Variants in LIN7A observed in about 807,000 individuals in gnomAD.
LIN7A encodes protein lin-7 homolog A.
In LIN7A, 25 loss-of-function variants were observed where a neutral mutation model predicts 29.8. The observed-to-expected ratio is 0.84, with a 90% confidence interval of 0.61 to 1.17. LIN7A has a LOEUF of 1.17. LIN7A is among the 50% of genes most tolerant of loss of function. LIN7A has a pLI of 0.00. For synonymous variants in LIN7A, 118 were observed against 107.5 expected, an observed-to-expected ratio of 1.10 and a Z score of -0.60; for missense variants, 239 against 287.0, an observed-to-expected ratio of 0.83 and a Z score of 1.21.
At chr12:80,872,420 A>G (rs911200219) in intron 2 of LIN7A, among the ~76,000 whole-genome samples, 4 of 152,166 alleles carry the variant, frequency 2.6e-5, no homozygotes, top group African/African-American at 9.6e-5. Context: ...TTCATGAACT[A>G]TCAACAATGT....
intron 1 of LIN7A, among the ~76,000 whole-genome samples, chr12:80,902,671 T>C (rs569535176): frequency 7.9e-5 from 12 of 152,200 alleles, no homozygotes; most frequent in Admixed American, 2.6e-4. Context: ...CTGGACATTG[T>C]TGGTGTATAG....
chr12:80,847,070 T>G (rs1161639336), intron 3 of LIN7A, among the ~76,000 whole-genome samples: 1 of 152,228 alleles, frequency 6.6e-6, no homozygotes, highest in Non-Finnish European at 1.5e-5. Context: ...AACAATGGCT[T>G]GTTTTTAGCT....
intron 1 of LIN7A, among the ~76,000 whole-genome samples, chr12:80,916,357 TTC>T (rs371170465): frequency 9.1e-4 from 139 of 152,008 alleles, no homozygotes; most frequent in African/African-American, 3.2e-3. Context: ...CTCTTTCTCT[TTC>T]TCTCTCTCTC....
intron 2 of LIN7A, among the ~76,000 whole-genome samples, chr12:80,888,434 C>T (rs942389476): frequency 2.6e-5 from 4 of 152,112 alleles, no homozygotes; most frequent in African/African-American, 9.7e-5. Context: ...ATTGGAGGTG[C>T]CTGCTCTACG....
At position 80,811,458 on chromosome 12, in the gene LIN7A, T is replaced by G; in HGVS notation, c.*7A>C. The G allele has an allele frequency of 8.8e-7, 1 of 1,140,744 alleles. No homozygotes were observed. The highest frequency in any genetic ancestry group is 1.3e-6 in the Non-Finnish European group (1 of 769,678). 70.7% of individuals were successfully genotyped at this position (1,140,744 alleles called of 1,614,324 possible). ...ATACTCCTTGTATAGAATAAGTCAC[T>G]TCTCACCTATGACATGTGGTTTTGT... On this transcript the variant is annotated splice_region_variant and intron_variant, in intron 5 of 5. Coordinates refer to ENST00000552864, the MANE Select transcript of LIN7A (RefSeq NM_004664.4).
At chr12:80,913,243 G>T (rs551550747) in intron 1 of LIN7A, among the ~76,000 whole-genome samples, 1 of 152,296 alleles carries the variant, frequency 6.6e-6, no homozygotes, top group Admixed American at 6.5e-5. Context: ...ATCTAATTAT[G>T]CAAAGGATAT....
intron 2 of LIN7A, among the ~76,000 whole-genome samples, chr12:80,882,164 T>A (rs1172339706): frequency 6.6e-6 from 1 of 151,992 alleles, no homozygotes; most frequent in African/African-American, 2.4e-5. Flanking sequence ...TTATTGAATA[T>A]ATAGGAGTGA....
rs1555225727 is a variant in LIN7A at position 80,869,149 on chromosome 12, A to AATAT, written c.201+20098_201+20101dup. ...AAAGTATCTAATAAATAAATAAATA[A>AATAT]ATATATATATATATATATTTATGTG... is the stretch of plus-strand genomic sequence containing the variant. On this transcript the variant is annotated intron_variant, in intron 2 of 5. Transcript: ENST00000552864. Among the ~76,000 whole-genome samples the AATAT allele has an allele frequency of 1.5e-3, 223 of 145,452 alleles. 2 individuals are homozygous for AATAT. Among genetic ancestry groups the AATAT allele is most frequent in the African/African-American group, 4.2e-3 (165 of 39,586 alleles).
intron 5 of LIN7A, among the ~76,000 whole-genome samples, chr12:80,808,311 C>T (rs1022738400): frequency 3.3e-5 from 5 of 152,074 alleles, no homozygotes; most frequent in Non-Finnish European, 7.3e-5. Flanking sequence ...TTTTACTCTG[C>T]AAAGTACTGG....
intron 1 of LIN7A, among the ~76,000 whole-genome samples, chr12:80,935,374 C>T (rs1878151880): frequency 6.6e-6 from 1 of 152,146 alleles, no homozygotes; most frequent in East Asian, 1.9e-4. Flanking sequence ...TGAGTCCTAA[C>T]TCTAATTAAT....
intron 2 of LIN7A, among the ~76,000 whole-genome samples, chr12:80,879,238 C>G (rs189778300): frequency 1.2e-3 from 184 of 151,606 alleles, no homozygotes; most frequent in African/African-American, 4.1e-3. Context: ...ATATTATAGA[C>G]CTTATTAATT....
chr12:80,867,924 C>T (rs1252372526), intron 2 of LIN7A, among the ~76,000 whole-genome samples: 2 of 152,120 alleles, frequency 1.3e-5, no homozygotes, highest in Admixed American at 6.5e-5. Context: ...TTTATTATAT[C>T]CTGTCAATTT....
At position 80,898,400 on chromosome 12, in the gene LIN7A, C is replaced by A. The variant is rs1234885612; in HGVS notation, c.83-9031G>T. On this transcript the variant is annotated intron_variant, in intron 1 of 5. Coordinates refer to ENST00000552864, the MANE Select transcript of LIN7A (RefSeq NM_004664.4). ...TTATAGTATAGTTTGAAGTTAGGAA[C>A]TGTGATGCCTCCAGCTCTGTGGCTT... Among the ~76,000 whole-genome samples, 3 of 152,162 alleles carry A rather than the reference C, an allele frequency of 2.0e-5. No individual in the cohort carries two copies. In the East Asian group the frequency reaches 5.8e-4, roughly 29 times the overall value.
chr12:80,875,175 CT>C (rs1314057552), intron 2 of LIN7A, among the ~76,000 whole-genome samples: 1 of 152,182 alleles, frequency 6.6e-6, no homozygotes, highest in African/African-American at 2.4e-5. Context: ...CTTAAACTTT[CT>C]GTATCTTATT....
intron 5 of LIN7A, among the ~76,000 whole-genome samples, chr12:80,808,004 T>C (rs1021234934): frequency 6.6e-6 from 1 of 152,200 alleles, no homozygotes; most frequent in African/African-American, 2.4e-5. Context: ...CAATAAAATC[T>C]AACTTCCCTC....
chr12:80,856,833 C>G (rs532744567), intron 2 of LIN7A, among the ~76,000 whole-genome samples: 1 of 151,038 alleles, frequency 6.6e-6, no homozygotes, highest in South Asian at 2.1e-4. Flanking sequence ...ATACTTATAA[C>G]TAAAAACAAA....
At chr12:80,859,541 G>A (rs1418974421) in intron 2 of LIN7A, among the ~76,000 whole-genome samples, 2 of 152,124 alleles carry the variant, frequency 1.3e-5, no homozygotes, top group Admixed American at 1.3e-4. Context: ...ATGAGAAAAT[G>A]AGAGAATTTT....
intron 1 of LIN7A, among the ~76,000 whole-genome samples, chr12:80,927,008 T>C (rs1877624283): frequency 6.6e-6 from 1 of 151,458 alleles, no homozygotes; most frequent in African/African-American, 2.4e-5. Context: ...AGTCCTCTAC[T>C]TAGAGATTAC....
At chr12:80,904,047 G>T (rs938493483) in intron 1 of LIN7A, among the ~76,000 whole-genome samples, 2 of 151,346 alleles carry the variant, frequency 1.3e-5, no homozygotes, top group African/African-American at 4.9e-5. Flanking sequence ...TTTCTATGTG[G>T]GCAAGACCAT....
Sources: gnomAD v4.1 joint callset for allele counts (sites outside exome capture counted in the v4.1 genomes callset) on GRCh38, gnomAD v4.1.1 for gene constraint, MANE v1.5 for transcripts, NCBI Gene and HGNC (gene_info 2026-07-23, HGNC 2026-07-21) for gene names.